RGS8: variants seen among roughly 807,000 people sequenced by gnomAD.
RGS8 encodes the protein regulator of G-protein signaling 8.
Under a neutral mutation model 21.7 loss-of-function variants are expected in RGS8, and 8 were observed. That is an observed-to-expected ratio of 0.37 (90% CI 0.22 to 0.66). The LOEUF is 0.66. Among genes scored for constraint, RGS8 ranks in the 30% least tolerant of loss-of-function variants. The probability of loss-of-function intolerance (pLI) is 0.59; values close to 1 mark genes in which losing one functional copy is unlikely to be tolerated. For synonymous variants in RGS8, 80 were observed against 83.6 expected (o/e 0.96, Z 0.24); for missense variants, 157 against 217.9 (o/e 0.72, Z 1.76).
chr1:182,715,926 G>C, the RGS8 span, among the ~76,000 whole-genome samples: 3,198 of 152,222 alleles, frequency 0.021, 108 homozygotes, highest in African/African-American at 0.071. Context: ...TATCCAAGGA[G>C]GATAGGTTCT....
the RGS8 span, among the ~76,000 whole-genome samples, chr1:182,733,275 T>C: frequency 6.6e-6 from 1 of 152,242 alleles, no homozygotes; most frequent in African/African-American, 2.4e-5. Flanking sequence ...TATTCAAGTG[T>C]GTTAAATAAG....
the RGS8 span, among the ~76,000 whole-genome samples, chr1:182,700,987 T>C: frequency 6.6e-6 from 1 of 152,258 alleles, no homozygotes; most frequent in African/African-American, 2.4e-5. Context: ...GAGTTACATA[T>C]ATTATGAATC....
chr1:182,726,936 G>C, the RGS8 span, among the ~76,000 whole-genome samples: 33 of 152,062 alleles, frequency 2.2e-4, no homozygotes, highest in South Asian at 6.2e-3. Flanking sequence ...GGACCTTCCT[G>C]GCTGCAGCAG....
chr1:182,676,710 C>A (rs988543083), upstream of RGS8, among the ~76,000 whole-genome samples: 3 of 152,182 alleles, frequency 2.0e-5, no homozygotes, highest in Admixed American at 6.5e-5. Context: ...GCAGCTGAAG[C>A]TGTGTGCCCA....
At chr1:182,682,507 C>G (rs1186173595) in intron 1 of RGS8, among the ~76,000 whole-genome samples, 12 of 152,180 alleles carry the variant, frequency 7.9e-5, no homozygotes, top group Non-Finnish European at 1.6e-4. Flanking sequence ...GAGAATTAAA[C>G]AGCATCATGT....
the RGS8 span, among the ~76,000 whole-genome samples, chr1:182,723,158 C>A: frequency 6.6e-6 from 1 of 152,028 alleles, no homozygotes; most frequent in African/African-American, 2.4e-5. Flanking sequence ...CATTATTCAA[C>A]CAATTATATA....
chr1:182,695,573 C>A, the RGS8 span, among the ~76,000 whole-genome samples: 1 of 152,206 alleles, frequency 6.6e-6, no homozygotes. Context: ...TCTCCCACCT[C>A]AGCCTTCTGA....
chr1:182,698,673 T>C, the RGS8 span, among the ~76,000 whole-genome samples: 2 of 152,184 alleles, frequency 1.3e-5, no homozygotes, highest in African/African-American at 4.8e-5. Flanking sequence ...TTTTTGTGGG[T>C]GAAAAAAGTC....
the RGS8 span, among the ~76,000 whole-genome samples, chr1:182,721,845 G>C: frequency 1.3e-5 from 2 of 152,310 alleles, no homozygotes; most frequent in Admixed American, 1.3e-4. Flanking sequence ...AGAGTCAGAA[G>C]CTAGTCTATG....
At chr1:182,732,267 T>TCACACACACACACACA in the RGS8 span, among the ~76,000 whole-genome samples, 5 of 133,072 alleles carry the variant, frequency 3.8e-5, no homozygotes, top group Non-Finnish European at 4.8e-5. Flanking sequence ...TCGCTCTCTC[T>TCACACACACACACACA]CTCATACACA....
Position 182,646,673 on chromosome 1 carries a change from A to G in RGS8, c.*62T>C. On this transcript the variant is annotated 3_prime_UTR_variant, in exon 7 of 7. Transcript: ENST00000483095. ...AACACCTATGACATTTCACATTAGA[A>G]TATGATCTTGGCAGCAAGTGGAGGG... 7 of 1,466,896 alleles carry G rather than the reference A, an allele frequency of 4.8e-6. No homozygotes were observed. The South Asian group carries it at 8.8e-5, about 18-fold the overall frequency. The allele number at this position is 1,466,896 out of a possible 1,614,324, so 90.9% of individuals were successfully genotyped here.
chr1:182,674,540 C>T (rs188437255), upstream of RGS8, among the ~76,000 whole-genome samples: 49 of 152,166 alleles, frequency 3.2e-4, 1 homozygote, highest in East Asian at 4.1e-3. Flanking sequence ...GAAGTACAGA[C>T]GTAGTGCAGG....
downstream of RGS8, chr1:182,646,083 A>C (rs1449197911): frequency 6.6e-6 from 1 of 152,212 alleles, no homozygotes; most frequent in African/African-American, 2.4e-5. Flanking sequence ...ATGTAAGGTT[A>C]GGGTAGTCTT....
the RGS8 span, among the ~76,000 whole-genome samples, chr1:182,749,023 T>G: frequency 1.1e-3 from 161 of 152,328 alleles, no homozygotes; most frequent in Non-Finnish European, 1.2e-3. Flanking sequence ...AGTTTGCAAA[T>G]ATTTTCTCCC....
At chr1:182,669,562 GT>G (rs1384295046) in intron 3 of RGS8, 61 bp downstream of exon 4, 3 of 1,612,070 alleles carry the variant, frequency 1.9e-6, no homozygotes, top group Non-Finnish European at 2.5e-6. Flanking sequence ...AACAGAGGGT[GT>G]GACAAGGTGG....
the RGS8 span, among the ~76,000 whole-genome samples, chr1:182,715,341 C>A: frequency 6.6e-6 from 1 of 152,200 alleles, no homozygotes; most frequent in Non-Finnish European, 1.5e-5. Context: ...GCAAAGCAGG[C>A]AGTTACTCTC....
chr1:182,741,783 C>T, the RGS8 span, among the ~76,000 whole-genome samples: 43 of 102,406 alleles, frequency 4.2e-4, 1 homozygote, highest in African/African-American at 1.3e-3. Flanking sequence ...CCGGACGGGG[C>T]GGCTGGCCGC....
At chr1:182,723,361 T>A in the RGS8 span, among the ~76,000 whole-genome samples, 3 of 152,186 alleles carry the variant, frequency 2.0e-5, no homozygotes, top group South Asian at 6.2e-4. Flanking sequence ...ACACATGAAG[T>A]TGCTGGCTGG....
chr1:182,736,124 C>T, the RGS8 span, among the ~76,000 whole-genome samples: 1 of 152,248 alleles, frequency 6.6e-6, no homozygotes, highest in East Asian at 1.9e-4. Context: ...GGCAGTAAAA[C>T]CAATGTGACT....
Sources: gnomAD v4.1 joint callset for allele counts (sites outside exome capture counted in the v4.1 genomes callset) on GRCh38, gnomAD v4.1.1 for gene constraint, MANE v1.5 for transcripts, NCBI Gene and HGNC (gene_info 2026-07-23, HGNC 2026-07-21) for gene names.